Variants in CFAP61 observed in about 807,000 individuals in gnomAD.
CFAP61 encodes cilia and flagella associated protein 61, also known as cilia- and flagella-associated protein 61.
A neutral mutation model predicts 135.6 loss-of-function variants in CFAP61; 107 were observed. The observed-to-expected ratio is 0.79, with a 90% CI of 0.67 to 0.93. The LOEUF is 0.93. Among genes scored for constraint, CFAP61 ranks in the 40% least tolerant of loss-of-function variants. The pLI, the probability that CFAP61 is intolerant of heterozygous loss-of-function variation, is 0.00. For synonymous variants in CFAP61, 575 were observed against 578.5 expected, an observed-to-expected ratio of 0.99 and a Z score of 0.09; for missense variants, 1,507 against 1,556.2, an observed-to-expected ratio of 0.97 and a Z score of 0.53.
At chr20:20,053,362 C>T (rs1277695861) in intron 1 of CFAP61, among the ~76,000 whole-genome samples, 1 of 152,188 alleles carries the variant, frequency 6.6e-6, no homozygotes, top group East Asian at 1.9e-4. Context: ...CTAACAGCCT[C>T]CAACTCTTAA....
In CFAP61 at chr20:20,360,418, CA is replaced by C. The variant is rs781662607; in HGVS notation, c.*9del. ...TGGCCAGGCATCGTTTAGTTGTAGG[CA>C]GGGTCTCCCCTTTATGGTTTTCATT... On this transcript the variant is annotated 3_prime_UTR_variant, in exon 27 of 27. Coordinates refer to ENST00000245957, the MANE Select transcript of CFAP61 (RefSeq NM_015585.4). 161 of 1,612,720 alleles carry C rather than the reference CA, an allele frequency of 1.0e-4. No homozygotes were observed. Among genetic ancestry groups the C allele is most frequent in the Middle Eastern group, 8.4e-4 (5 of 5,942 alleles).
In CFAP61 at chr20:20,164,202, T is replaced by A. The variant is rs1199012564; in HGVS notation, c.1179T>A (p.Phe393Leu). 1.2e-6 allele frequency: 2 copies of A among 1,613,894 alleles called. No homozygotes were observed. Among genetic ancestry groups the A allele is most frequent in the Non-Finnish European group, 1.7e-6 (2 of 1,179,850 alleles). The change falls in exon 11 of 27, where the codon TTT becomes TTA. Residue 393 changes from phenylalanine to leucine, a missense_variant. Phe to Leu is a conservative substitution (Grantham distance 22). Coordinates refer to ENST00000245957, the MANE Select transcript of CFAP61 (RefSeq NM_015585.4). ...CAGCTGCTTTTTGTATTCAGCTGTT[T>A]TGTATTGATGAGAAATATGAAGCAA... is the stretch of plus-strand genomic sequence containing the variant. ...GASAAFCIQL[F>L]CIDEKYEARS...
chr20:20,358,713 C>G (rs1375242610), intron 26 of CFAP61, among the ~76,000 whole-genome samples: 2 of 152,216 alleles, frequency 1.3e-5, no homozygotes, highest in African/African-American at 4.8e-5. Flanking sequence ...TGTGCATAAT[C>G]TCCAGCACCC....
intron 2 of CFAP61, among the ~76,000 whole-genome samples, chr20:20,057,247 T>A (rs1182679068): frequency 6.6e-6 from 1 of 152,106 alleles, no homozygotes; most frequent in Non-Finnish European, 1.5e-5. Flanking sequence ...GAAAAAATTG[T>A]AGCAAGAAAT....
rs146040531 is a variant in CFAP61 at position 20,245,482 on chromosome 20, T to C, written c.2061-635T>C. ...ATCTGGTGAGACTTACTCACTATCA[T>C]GAGAACAGCATAGGAAAGACCTGTT... On this transcript the variant is annotated intron_variant, in intron 18 of 26. Transcript: ENST00000245957. Among the ~76,000 whole-genome samples, 1,187 of 152,252 alleles carry C rather than the reference T, an allele frequency of 7.8e-3. 14 individuals carry two copies. Among genetic ancestry groups the C allele is most frequent in the African/African-American group, 0.027 (1,134 of 41,542 alleles).
chr20:20,304,386 C>A (rs1275059415), intron 25 of CFAP61, among the ~76,000 whole-genome samples: 1 of 150,800 alleles, frequency 6.6e-6, no homozygotes, highest in Non-Finnish European at 1.5e-5. Flanking sequence ...AATTTTATAT[C>A]GTTTGTTGCT....
chr20:20,215,964 A>G (rs2048016526), intron 17 of CFAP61, among the ~76,000 whole-genome samples: 1 of 152,192 alleles, frequency 6.6e-6, no homozygotes, highest in Non-Finnish European at 1.5e-5. Context: ...ACTGTTGCTT[A>G]AGATGCTATT....
chr20:20,300,241 A>G (rs569377788), intron 25 of CFAP61, among the ~76,000 whole-genome samples: 1 of 152,210 alleles, frequency 6.6e-6, no homozygotes, highest in African/African-American at 2.4e-5. Context: ...TGTATTTACT[A>G]TACTATACAT....
chr20:20,175,009 CA>C (rs1482221330), intron 13 of CFAP61, among the ~76,000 whole-genome samples: 1 of 152,156 alleles, frequency 6.6e-6, no homozygotes, highest in Non-Finnish European at 1.5e-5. Context: ...GCAAGTCAGC[CA>C]GGGGTGCAAG....
intron 26 of CFAP61, among the ~76,000 whole-genome samples, chr20:20,352,292 C>A (rs1276021536): frequency 6.6e-6 from 1 of 152,066 alleles, no homozygotes; most frequent in Non-Finnish European, 1.5e-5. Context: ...GCATAGTTCA[C>A]CCCACTATCA....
intron 13 of CFAP61, chr20:20,184,646 G>A (rs1569086876): frequency 6.6e-6 from 1 of 152,388 alleles, no homozygotes; most frequent in East Asian, 1.9e-4. Context: ...AACTTCTGAT[G>A]AGGTAACTTC....
intron 3 of CFAP61, 49 bp from the exon 4 acceptor site, chr20:20,074,253 G>A (rs1320679111): frequency 3.3e-6 from 5 of 1,517,688 alleles, no homozygotes; most frequent in Admixed American, 1.7e-5. Flanking sequence ...TGCTGACCTA[G>A]CCCGAATACT....
At chr20:20,277,007 T>C (rs2053811990) in intron 21 of CFAP61, among the ~76,000 whole-genome samples, 159 bp from the exon 22 acceptor site, 1 of 152,216 alleles carries the variant, frequency 6.6e-6, no homozygotes, top group Non-Finnish European at 1.5e-5. Flanking sequence ...TGCTGATTCT[T>C]TACTAAATGA....
intron 8 of CFAP61, among the ~76,000 whole-genome samples, chr20:20,134,862 G>A (rs565213216): frequency 6.6e-6 from 1 of 152,234 alleles, no homozygotes; most frequent in South Asian, 2.1e-4. Context: ...GTAAGCATTT[G>A]GGTAAATACA....
chr20:20,052,589 G>T lies in CFAP61; in HGVS notation c.-39G>T. On this transcript the variant is annotated splice_region_variant and 5_prime_UTR_variant, in exon 1 of 27. The change abolishes an upstream ATG in the 5' untranslated region. Coordinates refer to ENST00000245957, the MANE Select transcript of CFAP61 (RefSeq NM_015585.4). Reference sequence around the variant, plus strand: ...AGTGCGGCGTCCTGGAGCTGCGGATGAGGTGGGTAACGCCGTGCTGACTAG... The same window carrying T: ...AGTGCGGCGTCCTGGAGCTGCGGATTAGGTGGGTAACGCCGTGCTGACTAG... 1 of 1,613,852 alleles carries T rather than the reference G, an allele frequency of 6.2e-7. No homozygotes were observed. The highest frequency in any genetic ancestry group is 2.2e-5 in the East Asian group (1 of 44,864).
At position 20,155,313 on chromosome 20, in the gene CFAP61, G is replaced by A. The variant is rs571870296; in HGVS notation, c.952-4057G>A. On this transcript the variant is annotated intron_variant, in intron 9 of 26. Transcript: ENST00000245957. ...AGACTTAAATCTAAGAGGTAAAGCC[G>A]TAAAAATTCTAGAAGATAACATTGG... Among the ~76,000 whole-genome samples the A allele has an allele frequency of 9.5e-4, 144 of 152,154 alleles. 1 individual carries two copies. The highest frequency in any genetic ancestry group is 2.5e-3 in the African/African-American group (102 of 41,532).
At chr20:20,249,339 C>T (rs1601611680) in intron 19 of CFAP61, among the ~76,000 whole-genome samples, 1 of 151,772 alleles carries the variant, frequency 6.6e-6, no homozygotes, top group Admixed American at 6.6e-5. Flanking sequence ...AGTTGAAGAC[C>T]AGCCTGGGCA....
intron 20 of CFAP61, among the ~76,000 whole-genome samples, chr20:20,257,503 T>C (rs1199602453): frequency 6.6e-6 from 1 of 151,340 alleles, no homozygotes; most frequent in Non-Finnish European, 1.5e-5. Context: ...TAATCCCAGC[T>C]ACTTGGAAGG....
chr20:20,054,396 G>GATAT lies in CFAP61; in HGVS notation c.-37+1821_-37+1824dup, dbSNP rs34409266. 3.0e-3 allele frequency among the ~76,000 whole-genome samples: 423 copies of GATAT among 140,332 alleles called. 2 individuals carry two copies. Among genetic ancestry groups the GATAT allele is most frequent in the African/African-American group, 9.6e-3 (361 of 37,800 alleles). 92.1% of individuals were successfully genotyped at this position (140,332 alleles called of 152,430 possible). ...TTGTATGGACTGTGAATGAGCTAGGGATATATATATATATATATACACACA... is the reference window on the plus strand; with the variant it reads ...TTGTATGGACTGTGAATGAGCTAGGGATATATATATATATATATATATACACACA... On this transcript the variant is annotated intron_variant, in intron 1 of 26. Transcript: ENST00000245957.
Sources: allele counts gnomAD v4.1 joint callset (sites outside exome capture counted in the v4.1 genomes callset), GRCh38; gene constraint gnomAD v4.1.1; transcripts MANE v1.5; gene names NCBI Gene and HGNC (gene_info 2026-07-23, HGNC 2026-07-21).